The following NRXN3 variants were observed in gnomAD, a reference collection of about 807,000 sequenced individuals.
The protein encoded by NRXN3 is neurexin III.
A neutral mutation model predicts 137.6 loss-of-function variants in NRXN3; 32 were observed. The observed-to-expected ratio is 0.23, with a 90% CI of 0.18 to 0.31. NRXN3 has a LOEUF of 0.31. Ranked by LOEUF, NRXN3 falls within the 10% of genes least tolerant of loss-of-function variation. NRXN3 has a pLI of 1.00. For missense variants in NRXN3, 1,574 were observed against 2,062.5 expected, an observed-to-expected ratio of 0.76 and a Z score of 4.59; for synonymous variants, 798 against 784.5, an observed-to-expected ratio of 1.02 and a Z score of -0.29.
chr14:78,495,886 G>A (rs953654666), intron 4 of NRXN3, among the ~76,000 whole-genome samples: 2 of 152,208 alleles, frequency 1.3e-5, no homozygotes, highest in African/African-American at 4.8e-5. Context: ...TGACAAATCA[G>A]TTATCACTGT....
At chr14:78,412,847 T>C (rs73327202) in intron 4 of NRXN3, among the ~76,000 whole-genome samples, 7,300 of 152,220 alleles carry the variant, frequency 0.048, 247 homozygotes, top group African/African-American at 0.093. Context: ...TTCAGAGTGG[T>C]GGTGAGGTTG....
intron 8 of NRXN3, among the ~76,000 whole-genome samples, chr14:78,760,908 C>G (rs1317677112): frequency 6.6e-6 from 1 of 152,126 alleles, no homozygotes; most frequent in Non-Finnish European, 1.5e-5. Context: ...CTGGTTCTAA[C>G]AAGATCTTGA....
intron 4 of NRXN3, among the ~76,000 whole-genome samples, chr14:78,635,458 G>A (rs1003686480): frequency 6.6e-6 from 1 of 152,114 alleles, no homozygotes; most frequent in African/African-American, 2.4e-5. Flanking sequence ...GTGTGCTACT[G>A]TATATAAAAA....
chr14:78,893,559 G>T (rs575498952), intron 10 of NRXN3, among the ~76,000 whole-genome samples: 2 of 151,980 alleles, frequency 1.3e-5, no homozygotes, highest in East Asian at 3.9e-4. Flanking sequence ...TTGCTGGAAG[G>T]CTCCACTAGA....
chr14:79,383,205 G>A (rs1368344426), intron 15 of NRXN3, among the ~76,000 whole-genome samples: 1 of 152,042 alleles, frequency 6.6e-6, no homozygotes, highest in Non-Finnish European at 1.5e-5. Flanking sequence ...ACCTGCATGG[G>A]GTGTAGGGAA....
At position 78,818,132 on chromosome 14, in the gene NRXN3, G is replaced by A. The variant is rs2098939767; in HGVS notation, c.2275+7788G>A. Among the ~76,000 whole-genome samples the A allele has an allele frequency of 2.6e-5, 4 of 151,414 alleles. No homozygotes were observed. The South Asian group carries it at 6.2e-4, about 24-fold the overall frequency. On this transcript the variant is annotated intron_variant, in intron 10 of 20. Transcript: ENST00000335750. ...TGAACTGCTGTATTATGTTAAATTA[G>A]TGTACATGGTTTAGATATATAAAGT... is the stretch of plus-strand genomic sequence containing the variant.
chr14:79,323,674 G>A (rs893027584), intron 15 of NRXN3, among the ~76,000 whole-genome samples: 5 of 151,852 alleles, frequency 3.3e-5, no homozygotes, highest in Admixed American at 6.6e-5. Flanking sequence ...CCTGGCCAAT[G>A]TGGTGAAACC....
At chr14:79,094,444 G>C (rs1396917946) in intron 15 of NRXN3, among the ~76,000 whole-genome samples, 1 of 152,180 alleles carries the variant, frequency 6.6e-6, no homozygotes, top group African/African-American at 2.4e-5. Flanking sequence ...AAGAATGAGT[G>C]GATTTAGCAA....
chr14:78,278,772 A>G (rs2073982084), intron 3 of NRXN3, 110 bp downstream of exon 3: 2 of 821,922 alleles, frequency 2.4e-6, no homozygotes, highest in Non-Finnish European at 2.0e-6. Context: ...AGTGTATTGC[A>G]TTTTCACTGA....
At chr14:79,668,589 T>C (rs191499299) in intron 17 of NRXN3, among the ~76,000 whole-genome samples, 1 of 152,258 alleles carries the variant, frequency 6.6e-6, no homozygotes, top group East Asian at 1.9e-4. Flanking sequence ...ACAGTATTTC[T>C]TTTTGTAAAA....
chr14:78,580,674 T>A (rs1471645890), intron 4 of NRXN3, among the ~76,000 whole-genome samples: 1 of 152,162 alleles, frequency 6.6e-6, no homozygotes, highest in Non-Finnish European at 1.5e-5. Flanking sequence ...CTATTAGAGG[T>A]GCTTGTGGAA....
rs998994698 is a variant in NRXN3 at position 79,861,292 on chromosome 14, G to C, written c.4094-50G>C. On this transcript the variant is annotated intron_variant, in intron 20 of 20. Coordinates refer to ENST00000335750, the MANE Select transcript of NRXN3 (RefSeq NM_001330195.2). The surrounding 1 kb of genome is among the most constrained non-coding windows in gnomAD (Gnocchi z 5.4). ...CAGGGGAAACCTTTGACTCTAACCT[G>C]CCCCCTACTGATGATGAAGATTTTT... 2 of 1,536,018 alleles carry C rather than the reference G, an allele frequency of 1.3e-6. No individual in the cohort carries two copies. Among genetic ancestry groups the C allele is most frequent in the South Asian group, 2.4e-5 (2 of 84,060 alleles).
chr14:79,709,739 G>A (rs1369747173), intron 19 of NRXN3, among the ~76,000 whole-genome samples: 2 of 152,122 alleles, frequency 1.3e-5, no homozygotes, highest in African/African-American at 4.8e-5. Context: ...ATTTCACCCA[G>A]CCTTTATCTC....
intron 15 of NRXN3, among the ~76,000 whole-genome samples, chr14:79,244,635 C>T (rs1364248138): frequency 6.6e-6 from 1 of 152,112 alleles, no homozygotes; most frequent in East Asian, 1.9e-4. Flanking sequence ...TCTGTACTGG[C>T]TCTGTTCACA....
chr14:79,701,085 G>GA (rs2098752947), intron 19 of NRXN3, among the ~76,000 whole-genome samples: 1 of 152,000 alleles, frequency 6.6e-6, no homozygotes, highest in African/African-American at 2.4e-5. Flanking sequence ...CATAGCTTGA[G>GA]GAAAGTGTTT....
At chr14:78,259,646 G>T (rs559425490) in intron 2 of NRXN3, among the ~76,000 whole-genome samples, 1 of 152,304 alleles carries the variant, frequency 6.6e-6, no homozygotes, top group Non-Finnish European at 1.5e-5. Flanking sequence ...CTGCCCAGAG[G>T]TGGGATGCTT....
intron 19 of NRXN3, among the ~76,000 whole-genome samples, chr14:79,791,815 T>C (rs963244400): frequency 1.3e-5 from 2 of 152,148 alleles, no homozygotes; most frequent in Non-Finnish European, 2.9e-5. Flanking sequence ...TAGCTCTTTG[T>C]CCAGAGCTAC....
chr14:79,715,963 C>G (rs2098822362), intron 19 of NRXN3, among the ~76,000 whole-genome samples: 1 of 152,210 alleles, frequency 6.6e-6, no homozygotes, highest in Non-Finnish European at 1.5e-5. Context: ...ATGCTAAAGT[C>G]TGGAAGCATA....
chr14:79,016,828 C>T (rs1353202774), intron 15 of NRXN3, among the ~76,000 whole-genome samples: 1 of 152,078 alleles, frequency 6.6e-6, no homozygotes, highest in East Asian at 1.9e-4. Flanking sequence ...TGAACTGTAA[C>T]GTCAAGAGAG....
Sources: allele counts gnomAD v4.1 joint callset (sites outside exome capture counted in the v4.1 genomes callset), GRCh38; gene constraint gnomAD v4.1.1; non-coding constraint Gnocchi (gnomAD v3.1); transcripts MANE v1.5; gene names NCBI Gene and HGNC (gene_info 2026-07-23, HGNC 2026-07-21).